NPAS3: variants seen among roughly 807,000 people sequenced by gnomAD.
NPAS3 encodes the protein neuronal PAS domain protein 3.
NPAS3 carries 14 observed loss-of-function variants against 73.1 expected under a neutral mutation model. The ratio of observed to expected loss-of-function variants is 0.19; its 90% CI spans 0.13 to 0.30. The LOEUF (loss-of-function observed/expected upper bound fraction) is 0.30. NPAS3 is among the 10% of genes least tolerant of loss of function. NPAS3 has a pLI of 1.00. For missense variants in NPAS3, 1,096 were observed against 1,250.0 expected, an observed-to-expected ratio of 0.88 and a Z score of 1.86; for synonymous variants, 620 against 541.5, an observed-to-expected ratio of 1.14 and a Z score of -2.01.
At chr14:33,234,237 G>A (rs1031871681) in intron 3 of NPAS3, among the ~76,000 whole-genome samples, 5 of 152,018 alleles carry the variant, frequency 3.3e-5, no homozygotes, top group African/African-American at 7.3e-5. Flanking sequence ...AGGTAAGTGT[G>A]TATAATAAAT....
At chr14:33,038,407 T>G (rs1397505707) in intron 1 of NPAS3, among the ~76,000 whole-genome samples, 1 of 152,144 alleles carries the variant, frequency 6.6e-6, no homozygotes, top group Non-Finnish European at 1.5e-5. Flanking sequence ...TAATATAATC[T>G]TGGTTTTCTG....
intron 2 of NPAS3, among the ~76,000 whole-genome samples, chr14:33,209,407 T>C (rs1018515511): frequency 1.3e-5 from 2 of 152,214 alleles, no homozygotes; most frequent in Non-Finnish European, 2.9e-5. Flanking sequence ...GCATTGCTTA[T>C]AGAATCTTTA....
At chr14:33,045,263 A>C (rs1283463682) in intron 1 of NPAS3, among the ~76,000 whole-genome samples, 1 of 152,176 alleles carries the variant, frequency 6.6e-6, no homozygotes, top group East Asian at 1.9e-4. Flanking sequence ...GAACTAGGAA[A>C]AGGAGTTGGA....
At chr14:32,983,864 G>A (rs1428815576) in intron 1 of NPAS3, among the ~76,000 whole-genome samples, 1 of 152,134 alleles carries the variant, frequency 6.6e-6, no homozygotes, top group Non-Finnish European at 1.5e-5. Context: ...TGGGACTACA[G>A]GCATGTGCCA....
At chr14:33,597,714 A>C (rs2057286096) in intron 5 of NPAS3, among the ~76,000 whole-genome samples, 1 of 152,226 alleles carries the variant, frequency 6.6e-6, no homozygotes, top group African/African-American at 2.4e-5. Context: ...TGTAGCCATG[A>C]GTTTCAGCTG....
At chr14:33,233,542 A>T (rs1228714876) in intron 3 of NPAS3, among the ~76,000 whole-genome samples, 1 of 152,184 alleles carries the variant, frequency 6.6e-6, no homozygotes, top group Non-Finnish European at 1.5e-5. Flanking sequence ...AAGGATAAAA[A>T]GAAAACAAGG....
chr14:33,722,738 C>T (rs12889100), intron 6 of NPAS3, among the ~76,000 whole-genome samples: 1 of 152,092 alleles, frequency 6.6e-6, no homozygotes, highest in South Asian at 2.1e-4. Context: ...TGGGTTATCT[C>T]TCATTTCTGG....
chr14:32,989,690 C>T (rs2038250932), intron 1 of NPAS3, among the ~76,000 whole-genome samples: 1 of 151,868 alleles, frequency 6.6e-6, no homozygotes, highest in Non-Finnish European at 1.5e-5. Flanking sequence ...CAAAAAAAAC[C>T]TTGTATTCTA....
chr14:33,413,817 T>C (rs2048033917), intron 4 of NPAS3, among the ~76,000 whole-genome samples: 1 of 152,168 alleles, frequency 6.6e-6, no homozygotes, highest in African/African-American at 2.4e-5. Flanking sequence ...AGCTACTTGA[T>C]TGACCTAATC....
At chr14:33,389,603 AGGTTG>A (rs2046914685) in intron 4 of NPAS3, among the ~76,000 whole-genome samples, 2 of 152,184 alleles carry the variant, frequency 1.3e-5, no homozygotes, top group African/African-American at 4.8e-5. Flanking sequence ...CTGTTGCTTG[AGGTTG>A]AAGCCACAAT....
intron 4 of NPAS3, among the ~76,000 whole-genome samples, chr14:33,544,810 ATGTATATATAATATATATGTG>A (rs2054735190): frequency 1.1e-5 from 1 of 92,106 alleles, no homozygotes; most frequent in African/African-American, 5.8e-5. Context: ...ATATATATAT[ATGTATATATAATATATATGTG>A]TATATATATA....
intron 7 of NPAS3, among the ~76,000 whole-genome samples, chr14:33,738,071 C>T (rs141744669): frequency 2.6e-5 from 4 of 152,254 alleles, no homozygotes; most frequent in Non-Finnish European, 2.9e-5. Flanking sequence ...ACATTGACTG[C>T]GTGGCAGCCA....
intron 3 of NPAS3, among the ~76,000 whole-genome samples, chr14:33,278,595 T>C (rs977162932): frequency 5.9e-5 from 9 of 152,130 alleles, no homozygotes; most frequent in African/African-American, 2.2e-4. Context: ...TTTGAGGATA[T>C]AAAAACCACT....
intron 6 of NPAS3, among the ~76,000 whole-genome samples, chr14:33,692,668 A>T (rs933141120): frequency 6.6e-6 from 1 of 152,086 alleles, no homozygotes; most frequent in African/African-American, 2.4e-5. Flanking sequence ...GATATATGAA[A>T]TCAGGAAAGT....
intron 2 of NPAS3, among the ~76,000 whole-genome samples, chr14:33,078,788 GA>G (rs997179266): frequency 2.6e-5 from 4 of 152,286 alleles, no homozygotes; most frequent in African/African-American, 7.2e-5. Flanking sequence ...AATTCACATA[GA>G]AATAGGGGTA....
chr14:32,956,671 T>C (rs2139184956), intron 1 of NPAS3, among the ~76,000 whole-genome samples: 1 of 152,360 alleles, frequency 6.6e-6, no homozygotes, highest in Middle Eastern at 3.4e-3. Flanking sequence ...TTGTCTTTAA[T>C]GCATATTAGC....
intron 4 of NPAS3, among the ~76,000 whole-genome samples, chr14:33,518,869 G>C (rs1482722134): frequency 6.6e-6 from 1 of 152,116 alleles, no homozygotes. Flanking sequence ...GAGGGTAGGA[G>C]CTATATTGTG....
intron 2 of NPAS3, among the ~76,000 whole-genome samples, chr14:33,070,778 T>A (rs2041458907): frequency 6.6e-6 from 1 of 152,212 alleles, no homozygotes; most frequent in African/African-American, 2.4e-5. Context: ...AAATGCTGAC[T>A]GTTTAGCACA....
chr14:33,753,288 G>T (rs569371512), intron 7 of NPAS3, among the ~76,000 whole-genome samples: 1 of 151,080 alleles, frequency 6.6e-6, no homozygotes, highest in East Asian at 1.9e-4. Context: ...CCTGCCTCAG[G>T]GAAAATCTGC....
Sources: allele counts gnomAD v4.1 joint callset (sites outside exome capture counted in the v4.1 genomes callset), GRCh38; gene constraint gnomAD v4.1.1; transcripts MANE v1.5; gene names NCBI Gene and HGNC (gene_info 2026-07-23, HGNC 2026-07-21).